The following BOC variants were observed in gnomAD, a reference collection of about 807,000 sequenced individuals.
BOC encodes the protein brother of CDO.
Under a neutral mutation model 112.0 loss-of-function variants are expected in BOC, and 76 were observed. That is an observed-to-expected ratio of 0.68 (90% CI 0.56 to 0.82). The LOEUF is 0.82. Among genes scored for constraint, BOC ranks in the 40% least tolerant of loss-of-function variants. The probability of loss-of-function intolerance (pLI) is 0.00; values close to 1 mark genes in which losing one functional copy is unlikely to be tolerated. For missense variants in BOC, 1,309 were observed against 1,511.7 expected (o/e 0.87, Z 2.22); for synonymous variants, 580 against 599.8 (o/e 0.97, Z 0.48).
intron 2 of BOC, among the ~76,000 whole-genome samples, chr3:113,232,606 C>G (rs1942804658): frequency 6.6e-6 from 1 of 151,470 alleles, no homozygotes; most frequent in African/African-American, 2.4e-5. Flanking sequence ...CGTGCACATG[C>G]CTGCCTGTCT....
intron 1 of BOC, 180 bp downstream of exon 1, chr3:113,212,196 A>AGCTGCGGCCGAGGCTGGGC (rs1489161319): frequency 6.7e-6 from 1 of 150,332 alleles, no homozygotes; most frequent in Non-Finnish European, 1.5e-5. Flanking sequence ...CGGGGCTGGG[A>AGCTGCGGCCGAGGCTGGGC]GCTGCGGCCG....
chr3:113,217,343 C>G (rs1188747580), intron 2 of BOC, among the ~76,000 whole-genome samples: 1 of 152,156 alleles, frequency 6.6e-6, no homozygotes, highest in Non-Finnish European at 1.5e-5. Context: ...TGGCAAAACT[C>G]TGTCTCTACA....
intron 15 of BOC, among the ~76,000 whole-genome samples, chr3:113,282,536 C>G (rs1949289385): frequency 1.3e-5 from 2 of 152,190 alleles, no homozygotes; most frequent in South Asian, 4.1e-4. Context: ...TGGAGGCTTA[C>G]TGAGTCTTTG....
chr3:113,232,945 G>C (rs1942860939), intron 2 of BOC, among the ~76,000 whole-genome samples: 1 of 152,260 alleles, frequency 6.6e-6, no homozygotes, highest in South Asian at 2.1e-4. Flanking sequence ...AAAGTTCGGG[G>C]TAAGGGTTTC....
At chr3:113,233,106 A>G (rs543547715) in intron 2 of BOC, among the ~76,000 whole-genome samples, 1 of 149,988 alleles carries the variant, frequency 6.7e-6, no homozygotes, top group Non-Finnish European at 1.5e-5. Flanking sequence ...ATTTGAATGC[A>G]TCAGATTTCC....
At chr3:113,282,207 C>T (rs1375231726) in intron 15 of BOC, among the ~76,000 whole-genome samples, 3 of 152,082 alleles carry the variant, frequency 2.0e-5, no homozygotes, top group Admixed American at 2.0e-4. Context: ...CCACTGGAGG[C>T]TGTGAGGTGG....
At position 113,283,619 on chromosome 3, in the gene BOC, C is replaced by G; in HGVS notation, c.2643C>G (p.Ala881=). 6.2e-7 allele frequency: 1 copy of G among 1,613,498 alleles called. No homozygotes were observed. Among genetic ancestry groups the G allele is most frequent in the Non-Finnish European group, 8.5e-7 (1 of 1,179,800 alleles). The stretch of plus-strand genomic sequence containing the variant: ...TCATCCCCTTCTGCTTGTGGAGGGC[C>G]TGGTCTAAGCAAAGTGAGTGAGTGA... The part of the protein sequence containing the change: ...VTFIPFCLWR[A]WSKQKHTTDL... Residue 881 remains alanine (A), a synonymous_variant, in exon 16 of 20, where the codon GCC becomes GCG. Transcript: ENST00000682979.
rs963728246 is a variant in BOC at position 113,268,375 on chromosome 3, C to G, written c.453C>G (p.His151Gln). The change falls in exon 5 of 20, where the codon CAC becomes CAG. Residue 151 changes from histidine (H) to glutamine (Q), a missense_variant. His to Gln is a conservative substitution (Grantham distance 24). Transcript: ENST00000682979. ...GAAACACAGCAGTCATTGCCTGCCA[C>G]CTGCCTGAGAGCCACCCCAAAGCCC... is the stretch of plus-strand genomic sequence containing the variant. ...DEGNTAVIACHLPESHPKAQV... is the reference protein window; with the variant it reads ...DEGNTAVIACQLPESHPKAQV... 1 of 1,614,064 alleles carries G rather than the reference C, an allele frequency of 6.2e-7. No homozygotes were observed. Among genetic ancestry groups the G allele is most frequent in the Admixed American group, 1.7e-5 (1 of 60,010 alleles).
At position 113,279,416 on chromosome 3, in the gene BOC, C is replaced by G. The variant is rs1226891958; in HGVS notation, c.1984C>G (p.Pro662Ala). 7 of 1,614,186 alleles carry G rather than the reference C, an allele frequency of 4.3e-6. No homozygotes were observed. Among genetic ancestry groups the G allele is most frequent in the Admixed American group, 1.7e-5 (1 of 60,034 alleles). Reference protein sequence around the residue: ...DWILATSAIPPSRLSVEITGL... With the variant: ...DWILATSAIPASRLSVEITGL... The stretch of plus-strand genomic sequence containing the variant: ...GATTCTGGCCACCAGCGCCATCCCC[C>G]CATCGCGGCTGTCCGTGGAGATCAC... Residue 662 changes from proline to alanine, a missense_variant, in exon 12 of 20, where the codon CCA becomes GCA. Coordinates refer to ENST00000682979, the MANE Select transcript of BOC (RefSeq NM_001378074.1).
chr3:113,212,189 G>C (rs190208545), intron 1 of BOC, 173 bp downstream of exon 1: 1 of 150,926 alleles, frequency 6.6e-6, no homozygotes, highest in Admixed American at 6.6e-5. Context: ...GGGCGCCCGG[G>C]GCTGGGAGCT....
At chr3:113,227,570 CT>C (rs1424451715) in intron 2 of BOC, among the ~76,000 whole-genome samples, 1 of 152,290 alleles carries the variant, frequency 6.6e-6, no homozygotes, top group Middle Eastern at 3.4e-3. Context: ...GCAGAACCCT[CT>C]TTTCCACCAA....
At chr3:113,262,695 GA>G (rs1367594027) in intron 4 of BOC, among the ~76,000 whole-genome samples, 1 of 152,228 alleles carries the variant, frequency 6.6e-6, no homozygotes, top group Non-Finnish European at 1.5e-5. Flanking sequence ...ATCCTCAGCA[GA>G]AAACTGCCAT....
chr3:113,236,214 G>A (rs1400255083), intron 2 of BOC, among the ~76,000 whole-genome samples: 1 of 120,248 alleles, frequency 8.3e-6, no homozygotes, highest in Non-Finnish European at 1.8e-5. Context: ...ATATATATAC[G>A]TGTATATACG....
chr3:113,227,398 C>G (rs9968161), intron 2 of BOC, among the ~76,000 whole-genome samples: 13,710 of 152,224 alleles, frequency 0.09, 662 homozygotes, highest in African/African-American at 0.12. Context: ...GGGAAAAGCC[C>G]TTCCTGGATA....
intron 2 of BOC, among the ~76,000 whole-genome samples, chr3:113,241,342 G>T (rs1008085120): frequency 6.6e-6 from 1 of 152,120 alleles, no homozygotes; most frequent in Non-Finnish European, 1.5e-5. Context: ...TTACACATGT[G>T]CACAGACTCA....
At chr3:113,273,743 C>T (rs928805969) in intron 8 of BOC, among the ~76,000 whole-genome samples, 2 of 152,038 alleles carry the variant, frequency 1.3e-5, no homozygotes, top group Non-Finnish European at 2.9e-5. Context: ...CCTATGGAGA[C>T]GAAACTTACC....
intron 2 of BOC, among the ~76,000 whole-genome samples, chr3:113,225,974 C>T (rs1316515465): frequency 1.3e-5 from 2 of 152,210 alleles, no homozygotes; most frequent in Non-Finnish European, 2.9e-5. Context: ...TTCTGCCCCA[C>T]AAGTAGGTAC....
At chr3:113,232,065 A>AAGAGC (rs1942700171) in intron 2 of BOC, among the ~76,000 whole-genome samples, 1 of 152,144 alleles carries the variant, frequency 6.6e-6, no homozygotes. Context: ...CCTCTTTGCA[A>AAGAGC]CTGGTGGAGC....
chr3:113,274,888 T>C lies in BOC; in HGVS notation c.1542+206T>C, dbSNP rs1042910097. 6.6e-6 allele frequency among the ~76,000 whole-genome samples: 1 copy of C among 152,222 alleles called. No homozygotes were observed. Among genetic ancestry groups the C allele is most frequent in the African/African-American group, 2.4e-5 (1 of 41,464 alleles). On this transcript the variant is annotated intron_variant, in intron 9 of 19. Transcript: ENST00000682979. This position sits in a 1 kb window ranked among gnomAD's most constrained non-coding sequence, Gnocchi z 4.8. ...GTTGTAAGATGGGTGTGTGGGACCCTGGAAGGCCCAGGAAAAAGCCTTGTG... is the reference window on the plus strand; with the variant it reads ...GTTGTAAGATGGGTGTGTGGGACCCCGGAAGGCCCAGGAAAAAGCCTTGTG...
Sources: gnomAD v4.1 joint callset for allele counts (sites outside exome capture counted in the v4.1 genomes callset) on GRCh38, gnomAD v4.1.1 for gene constraint, Gnocchi (gnomAD v3.1) non-coding constraint, MANE v1.5 for transcripts, NCBI Gene and HGNC (gene_info 2026-07-23, HGNC 2026-07-21) for gene names.